Variants in RMDN1 observed in about 807,000 individuals in gnomAD.
RMDN1 encodes regulator of microtubule dynamics protein 1.
In RMDN1, 48 loss-of-function variants were observed where a neutral mutation model predicts 48.9. The ratio of observed to expected loss-of-function variants is 0.98; its 90% CI spans 0.78 to 1.25. RMDN1 has a LOEUF of 1.25. Ranked by LOEUF, RMDN1 falls within the 50% of genes most tolerant of loss-of-function variation. The pLI, the probability that RMDN1 is intolerant of heterozygous loss-of-function variation, is 0.00. For synonymous variants in RMDN1, 148 were observed against 132.6 expected, an observed-to-expected ratio of 1.12 and a Z score of -0.80; for missense variants, 418 against 373.4, an observed-to-expected ratio of 1.12 and a Z score of -0.98.
chr8:86,501,811 A>C (rs1396664875), intron 2 of RMDN1, among the ~76,000 whole-genome samples: 1 of 152,206 alleles, frequency 6.6e-6, no homozygotes, highest in African/African-American at 2.4e-5. Context: ...TGAGAATTAA[A>C]GTCTAGGTTG....
chr8:86,469,365 T>C (rs557531182), downstream of RMDN1, among the ~76,000 whole-genome samples: 1 of 152,274 alleles, frequency 6.6e-6, no homozygotes, highest in East Asian at 1.9e-4. Flanking sequence ...GACTGGTAAG[T>C]TGCATCTGGA....
intron 3 of RMDN1, 76 bp from the exon 4 acceptor site, chr8:86,486,719 T>TA: frequency 8.2e-6 from 9 of 1,095,324 alleles, no homozygotes; most frequent in Non-Finnish European, 1.1e-5. Flanking sequence ...TACTAATGAA[T>TA]ACATTATGGT....
At chr8:86,505,178 T>C (rs1819106044) in intron 2 of RMDN1, 1 of 1,032,836 alleles carries the variant, frequency 9.7e-7, no homozygotes, top group South Asian at 1.5e-5. Context: ...ACTTGATTCC[T>C]TTCTTATCCC....
intron 9 of RMDN1, 108 bp from the exon 10 acceptor site, chr8:86,474,466 G>C: frequency 2.3e-6 from 2 of 883,240 alleles, no homozygotes; most frequent in Admixed American, 2.0e-5. Context: ...AAACCAGATA[G>C]GACATTATAA....
rs1392410344 is a variant in RMDN1, at chr8:86,473,293, A to AACTT, written c.*1011_*1014dup. The AACTT allele has an allele frequency of 5.1e-6, 5 of 985,292 alleles. No homozygotes were observed. The African/African-American group carries it at 5.2e-5, about 10-fold the overall frequency. 61.0% of individuals were successfully genotyped at this position (985,292 alleles called of 1,614,324 possible). On this transcript the variant is annotated 3_prime_UTR_variant, in exon 10 of 10. Coordinates refer to ENST00000406452, the MANE Select transcript of RMDN1 (RefSeq NM_016033.3). Reference sequence around the variant, plus strand: ...GGATTCAAGATGCTCCTTTTTACAAAACTTAAAAAGATTTTGCAGTGGTGG... The same window carrying AACTT: ...GGATTCAAGATGCTCCTTTTTACAAAACTTACTTAAAAAGATTTTGCAGTGGTGG...
Position 86,503,366 on chromosome 8 carries a change from C to CAAAAAAAAA in RMDN1, c.247+3628_247+3629insTTTTTTTTT, listed in dbSNP as rs1354324383. On this transcript the variant is annotated intron_variant, in intron 2 of 9. Transcript: ENST00000406452. The stretch of plus-strand genomic sequence containing the variant: ...GACTCCGTCTCAAAACAAAACAAAA[C>CAAAAAAAAA]AAAACAAAAAAAAAAAAAAAAAACA... Among the ~76,000 whole-genome samples, 97 of 70,306 alleles carry CAAAAAAAAA rather than the reference C, an allele frequency of 1.4e-3. 3 individuals are homozygous for CAAAAAAAAA. The highest frequency in any genetic ancestry group is 8.1e-3 in the Middle Eastern group (1 of 124). 46.1% of individuals were successfully genotyped at this position (70,306 alleles called of 152,430 possible).
chr8:86,511,288 C>T (rs1001412715), upstream of RMDN1, among the ~76,000 whole-genome samples: 1 of 151,104 alleles, frequency 6.6e-6, no homozygotes, highest in Admixed American at 6.6e-5. Flanking sequence ...TCCTGGCTAA[C>T]ACAGTGAAAC....
chr8:86,492,064 A>C (rs1816593386), intron 2 of RMDN1, among the ~76,000 whole-genome samples: 1 of 152,230 alleles, frequency 6.6e-6, no homozygotes, highest in Non-Finnish European at 1.5e-5. Flanking sequence ...GAAGTACAAC[A>C]AATAACTACA....
intron 2 of RMDN1, chr8:86,504,352 G>T (rs1423576988): frequency 6.3e-7 from 1 of 1,577,374 alleles, no homozygotes; most frequent in African/African-American, 1.3e-5. Context: ...GCAAGTCACC[G>T]TGCTGGAGTT....
At chr8:86,480,203 C>T (rs977726052) in intron 6 of RMDN1, 74 bp downstream of exon 6, 1 of 711,278 alleles carries the variant, frequency 1.4e-6, no homozygotes, top group Non-Finnish European at 2.3e-6. Flanking sequence ...TTTATATATG[C>T]AAAAGAAGAT....
At chr8:86,470,167 T>C (rs1314347121), downstream of RMDN1, 5 of 1,288,536 alleles carry the variant, frequency 3.9e-6, no homozygotes, top group South Asian at 4.9e-5. Flanking sequence ...AATGGAGAGA[T>C]ATAGCCTATG....
In RMDN1 at chr8:86,472,794, A is replaced by C; in HGVS notation, c.*1514T>G. 3.8e-6 allele frequency: 1 copy of C among 261,680 alleles called. No homozygotes were observed. Among genetic ancestry groups the C allele is most frequent in the Non-Finnish European group, 7.2e-6 (1 of 139,762 alleles). The allele number at this position is 261,680 out of a possible 1,614,324, so 16.2% of individuals were successfully genotyped here. On this transcript the variant is annotated 3_prime_UTR_variant, in exon 10 of 10. Transcript: ENST00000406452. ...TTCAGTCAGGAATGATGGTGACATC[A>C]ACCAACCACAAATTACCCACATGAG...
intron 7 of RMDN1, among the ~76,000 whole-genome samples, chr8:86,477,649 TA>T (rs1348372773): frequency 6.6e-6 from 1 of 152,216 alleles, no homozygotes; most frequent in Non-Finnish European, 1.5e-5. Flanking sequence ...AAATCATAAC[TA>T]GTGATTTTTA....
chr8:86,469,992 A>AT (rs1812404614), downstream of RMDN1, among the ~76,000 whole-genome samples: 1 of 152,152 alleles, frequency 6.6e-6, no homozygotes, highest in Non-Finnish European at 1.5e-5. Flanking sequence ...GAGAGAAGCC[A>AT]TTTTTACAAC....
chr8:86,511,813 T>C (rs1434843823), upstream of RMDN1, among the ~76,000 whole-genome samples: 1 of 32,642 alleles, frequency 3.1e-5, no homozygotes, highest in South Asian at 1.0e-3. Context: ...AGAACCTGTC[T>C]CTCAAAAAAA....
At chr8:86,468,793 C>A (rs1044243148), downstream of RMDN1, 46 of 442,014 alleles carry the variant, frequency 1.0e-4, no homozygotes, top group Non-Finnish European at 9.0e-6. Context: ...CCAAGACCTA[C>A]AGGCAGAGCT....
At chr8:86,470,216 AC>A, downstream of RMDN1, 1 of 1,289,278 alleles carries the variant, frequency 7.8e-7, no homozygotes, top group South Asian at 1.2e-5. Flanking sequence ...CTACCAACTT[AC>A]TTTGATATAC....
At chr8:86,503,378 A>AAAAC (rs1403777594) in intron 2 of RMDN1, among the ~76,000 whole-genome samples, 12 of 77,944 alleles carry the variant, frequency 1.5e-4, no homozygotes, top group African/African-American at 1.0e-3. Flanking sequence ...AAACAAAAAA[A>AAAAC]AAAAAAAAAA....
At chr8:86,504,477 T>C (rs1818939984) in intron 2 of RMDN1, 1 of 1,551,992 alleles carries the variant, frequency 6.4e-7, no homozygotes, top group Non-Finnish European at 8.9e-7. Flanking sequence ...TCTTCAAGGA[T>C]GCAGGTGTTC....
Sources: allele counts gnomAD v4.1 joint callset (sites outside exome capture counted in the v4.1 genomes callset), GRCh38; gene constraint gnomAD v4.1.1; transcripts MANE v1.5; gene names NCBI Gene and HGNC (gene_info 2026-07-23, HGNC 2026-07-21).